The following CACNA2D4 variants were observed in gnomAD, a reference collection of about 807,000 sequenced individuals.
CACNA2D4 encodes the protein voltage-dependent calcium channel subunit alpha-2/delta-4.
CACNA2D4 carries 157 observed loss-of-function variants against 163.8 expected under a neutral mutation model. That is an observed-to-expected ratio of 0.96 (90% CI 0.84 to 1.09). The LOEUF (loss-of-function observed/expected upper bound fraction) is 1.09. CACNA2D4 is among the 50% of genes least tolerant of loss of function. The probability of loss-of-function intolerance (pLI) is 0.00; values close to 1 mark genes in which losing one functional copy is unlikely to be tolerated. For missense variants in CACNA2D4, 1,410 were observed against 1,479.9 expected (o/e 0.95, Z 0.78); for synonymous variants, 598 against 586.9 (o/e 1.02, Z -0.27).
chr12:1,799,588 G>T lies in CACNA2D4; in HGVS notation c.2995+87C>A. 1 of 1,394,308 alleles carries T rather than the reference G, an allele frequency of 7.2e-7. No homozygotes were observed. The highest frequency in any genetic ancestry group is 9.9e-7 in the Non-Finnish European group (1 of 1,005,876). 86.4% of individuals were successfully genotyped at this position (1,394,308 alleles called of 1,614,324 possible). A position where few individuals can be genotyped will look rare whatever the true frequency, so the allele number is the denominator to read the frequency against. ...CAGCCCTGCTTGGGGTCATTCCTGGGACAGGTCATGGAGGGTGGGTTCTTT... is the reference window on the plus strand; with the variant it reads ...CAGCCCTGCTTGGGGTCATTCCTGGTACAGGTCATGGAGGGTGGGTTCTTT... On this transcript the variant is annotated intron_variant, in intron 34 of 37. Transcript: ENST00000382722. The surrounding 1 kb of genome is among the most constrained non-coding windows in gnomAD (Gnocchi z 4.7).
intron 5 of CACNA2D4, 40 bp downstream of exon 5, chr12:1,907,835 C>A: frequency 1.2e-6 from 2 of 1,608,814 alleles, no homozygotes; most frequent in Non-Finnish European, 1.7e-6. Context: ...GCTAGGTGGG[C>A]GTGCCTGGTG....
chr12:1,828,340 T>A lies in CACNA2D4; in HGVS notation c.2551+12399A>T. ...CAGGGAGGCCTACGCCAGATCTTCC[T>A]GGGGTACCCGAGGCTATGTTCTGGG... is the stretch of plus-strand genomic sequence containing the variant. On this transcript the variant is annotated intron_variant, in intron 26 of 37. Coordinates refer to ENST00000382722, the MANE Select transcript of CACNA2D4 (RefSeq NM_172364.5). The surrounding 1 kb of genome is among the most constrained non-coding windows in gnomAD (Gnocchi z 4.2). The A allele has an allele frequency of 1.2e-6, 1 of 854,100 alleles. No individual in the cohort carries two copies. The highest frequency in any genetic ancestry group is 1.7e-6 in the Non-Finnish European group (1 of 585,230). The allele number at this position is 854,100 out of a possible 1,614,324, so 52.9% of individuals were successfully genotyped here. A position where few individuals can be genotyped will look rare whatever the true frequency, so the allele number is the denominator to read the frequency against.
intron 22 of CACNA2D4, among the ~76,000 whole-genome samples, chr12:1,854,782 A>G (rs2041140): frequency 0.9 from 136,515 of 152,248 alleles, 61,319 homozygotes; most frequent in East Asian, 1. Context: ...TGATCTGGAT[A>G]TTCTTTTTCC....
chr12:1,912,100 C>G (rs1307826876), intron 3 of CACNA2D4, among the ~76,000 whole-genome samples: 2 of 152,220 alleles, frequency 1.3e-5, no homozygotes, highest in East Asian at 3.9e-4. Flanking sequence ...GGTGGGGGTA[C>G]ACTGACAGTA....
At chr12:1,817,528 T>C (rs1419394957) in intron 26 of CACNA2D4, among the ~76,000 whole-genome samples, 1 of 152,186 alleles carries the variant, frequency 6.6e-6, no homozygotes, top group African/African-American at 2.4e-5. Flanking sequence ...CTCCCTCTGA[T>C]GCCGAGCCGA....
chr12:1,831,920 G>A (rs1864653648), intron 26 of CACNA2D4, among the ~76,000 whole-genome samples: 1 of 152,176 alleles, frequency 6.6e-6, no homozygotes, highest in Admixed American at 6.5e-5. Flanking sequence ...GGTAGAAGGA[G>A]GGAGAAAAAC....
intron 27 of CACNA2D4, 43 bp downstream of exon 27, chr12:1,811,619 G>A (rs769178363): frequency 2.8e-5 from 43 of 1,545,658 alleles, no homozygotes; most frequent in South Asian, 3.6e-5. Flanking sequence ...CCAGGGGAGC[G>A]TGGTGAGTCC....
intron 31 of CACNA2D4, 159 bp from the exon 32 acceptor site, chr12:1,800,597 T>G: frequency 1.3e-5 from 8 of 636,812 alleles, no homozygotes; most frequent in African/African-American, 1.9e-5. Flanking sequence ...GCACCCCCCA[T>G]CCCCCCACCT....
At chr12:1,915,349 G>A (rs923004837) in intron 1 of CACNA2D4, 2 of 664,196 alleles carry the variant, frequency 3.0e-6, no homozygotes, top group Admixed American at 2.3e-5. Context: ...CCAGGACTGA[G>A]CTTGACCCCA....
chr12:1,908,130 G>T, intron 4 of CACNA2D4, 93 bp from the exon 5 acceptor site: 1 of 1,298,472 alleles, frequency 7.7e-7, no homozygotes, highest in Non-Finnish European at 1.1e-6. Flanking sequence ...GAGGACGAGA[G>T]GGCCGGGGCC....
At chr12:1,817,937 G>C (rs1863934902) in intron 26 of CACNA2D4, among the ~76,000 whole-genome samples, 1 of 151,936 alleles carries the variant, frequency 6.6e-6, no homozygotes, top group East Asian at 1.9e-4. Context: ...GTCTCCGCCT[G>C]GCCGCCCATC....
chr12:1,811,772 GA>G (rs1229869282), intron 26 of CACNA2D4, 49 bp from the exon 27 acceptor site: 10 of 1,519,530 alleles, frequency 6.6e-6, no homozygotes, highest in East Asian at 2.5e-5. Context: ...GACGGGGAGA[GA>G]AAAAAATAGA....
intron 26 of CACNA2D4, among the ~76,000 whole-genome samples, chr12:1,837,872 T>C (rs904351889): frequency 3.3e-5 from 5 of 152,142 alleles, no homozygotes; most frequent in African/African-American, 4.8e-5. Context: ...GTAATTCAAA[T>C]GTCATGGTTC....
intron 18 of CACNA2D4, among the ~76,000 whole-genome samples, chr12:1,867,215 T>G (rs1865670961): frequency 1.3e-5 from 2 of 152,188 alleles, no homozygotes; most frequent in African/African-American, 2.4e-5. Context: ...GCTGAGATTC[T>G]TGGATCTGTA....
chr12:1,892,849 G>A (rs1289062800), intron 6 of CACNA2D4, among the ~76,000 whole-genome samples: 1 of 152,134 alleles, frequency 6.6e-6, no homozygotes, highest in Non-Finnish European at 1.5e-5. Flanking sequence ...ACTTATATTA[G>A]ATAAAACAAA....
intron 13 of CACNA2D4, among the ~76,000 whole-genome samples, chr12:1,881,829 GC>G (rs1866007579): frequency 1.3e-5 from 2 of 152,238 alleles, no homozygotes; most frequent in Admixed American, 1.3e-4. Flanking sequence ...AGATTAATGA[GC>G]TTTTCATCCC....
intron 29 of CACNA2D4, among the ~76,000 whole-genome samples, chr12:1,805,268 T>TG (rs1176876247): frequency 6.6e-6 from 1 of 151,556 alleles, no homozygotes; most frequent in African/African-American, 2.4e-5. Flanking sequence ...GGGAAGCAGA[T>TG]GGGGGCAGAG....
At chr12:1,860,122 C>T (rs1865490386) in intron 19 of CACNA2D4, 23 bp downstream of exon 19, 1 of 1,600,124 alleles carries the variant, frequency 6.2e-7, no homozygotes, top group Non-Finnish European at 8.6e-7. Flanking sequence ...TCACCCCGTG[C>T]AAATAAAGCC....
intron 2 of CACNA2D4, among the ~76,000 whole-genome samples, chr12:1,913,998 C>T (rs1866897689): frequency 6.6e-6 from 1 of 152,368 alleles, no homozygotes; most frequent in African/African-American, 2.4e-5. Context: ...CTGTGAGGGG[C>T]AGGCGGGGCC....
Sources: gnomAD v4.1 joint callset for allele counts (sites outside exome capture counted in the v4.1 genomes callset) on GRCh38, gnomAD v4.1.1 for gene constraint, Gnocchi (gnomAD v3.1) non-coding constraint, MANE v1.5 for transcripts, NCBI Gene and HGNC (gene_info 2026-07-23, HGNC 2026-07-21) for gene names.